Variants in FBXO28 observed in about 807,000 individuals in gnomAD.
FBXO28 encodes the protein F-box only protein 28.
In FBXO28, 8 loss-of-function variants were observed where a neutral mutation model predicts 38.1. That is an observed-to-expected ratio of 0.21 (90% CI 0.12 to 0.38). The LOEUF is 0.38. FBXO28 is among the 10% of genes least tolerant of loss of function. The pLI is 1.00. For missense variants in FBXO28, 345 were observed against 460.6 expected (o/e 0.75, Z 2.30); for synonymous variants, 168 against 173.8 (o/e 0.97, Z 0.26).
intron 3 of FBXO28, among the ~76,000 whole-genome samples, chr1:224,142,933 G>A (rs767140720): frequency 1.3e-5 from 2 of 152,102 alleles, no homozygotes; most frequent in African/African-American, 2.4e-5. Context: ...GGGACAGAAA[G>A]ACACTCTGTC....
chr1:224,144,147 A>G (rs1269699532), intron 3 of FBXO28, among the ~76,000 whole-genome samples: 1 of 67,034 alleles, frequency 1.5e-5, no homozygotes, highest in Non-Finnish European at 3.0e-5. Context: ...GAATGAAACT[A>G]TGTCTCAAAA....
intron 1 of FBXO28, among the ~76,000 whole-genome samples, chr1:224,120,513 A>T (rs1005680172): frequency 6.6e-6 from 1 of 152,252 alleles, no homozygotes; most frequent in African/African-American, 2.4e-5. Flanking sequence ...ATTATTGAAT[A>T]AATGAAGTAG....
At chr1:224,152,950 A>T (rs955495150) in intron 3 of FBXO28, among the ~76,000 whole-genome samples, 192 bp from the exon 4 acceptor site, 20 of 131,094 alleles carry the variant, frequency 1.5e-4, no homozygotes, top group African/African-American at 5.4e-4. Flanking sequence ...AAAAAAAAAA[A>T]AAAGTACTGT....
chr1:224,139,930 A>G (rs1558192866), intron 3 of FBXO28, among the ~76,000 whole-genome samples: 1 of 152,092 alleles, frequency 6.6e-6, no homozygotes, highest in Non-Finnish European at 1.5e-5. Flanking sequence ...CCGTCTCTAA[A>G]AAAAAAATTA....
chr1:224,124,982 G>A (rs1407168811), intron 1 of FBXO28, among the ~76,000 whole-genome samples: 2 of 152,024 alleles, frequency 1.3e-5, no homozygotes, highest in African/African-American at 4.8e-5. Flanking sequence ...CCAGCCGAAA[G>A]ATGTATGATC....
At chr1:224,124,341 A>G (rs990386349) in intron 1 of FBXO28, among the ~76,000 whole-genome samples, 3 of 152,194 alleles carry the variant, frequency 2.0e-5, no homozygotes, top group Non-Finnish European at 4.4e-5. Context: ...GATTTATTCT[A>G]TTCATTCCCT....
At chr1:224,135,947 G>C (rs867355135) in intron 3 of FBXO28, among the ~76,000 whole-genome samples, 3 of 151,368 alleles carry the variant, frequency 2.0e-5, no homozygotes, top group African/African-American at 7.3e-5. Context: ...AGGCAGGAGA[G>C]TCACTTGAAC....
At chr1:224,143,696 C>T (rs887800402) in intron 3 of FBXO28, among the ~76,000 whole-genome samples, 3 of 151,876 alleles carry the variant, frequency 2.0e-5, no homozygotes, top group Admixed American at 2.0e-4. Context: ...ATTAGCCAGG[C>T]GTGATGGCGG....
At chr1:224,155,604 C>T (rs1281533390) in intron 4 of FBXO28, among the ~76,000 whole-genome samples, 1 of 152,080 alleles carries the variant, frequency 6.6e-6, no homozygotes, top group African/African-American at 2.4e-5. Flanking sequence ...ATTTAATGTC[C>T]CTAACTCTGG....
At chr1:224,135,543 C>T (rs376148233) in intron 3 of FBXO28, among the ~76,000 whole-genome samples, 45 of 137,934 alleles carry the variant, frequency 3.3e-4, no homozygotes, top group African/African-American at 1.1e-3. Context: ...ACCCGGGAGG[C>T]GGAGGTTGCA....
intron 3 of FBXO28, among the ~76,000 whole-genome samples, chr1:224,143,697 G>T: frequency 6.6e-6 from 1 of 151,930 alleles, no homozygotes; most frequent in East Asian, 1.9e-4. Context: ...TTAGCCAGGC[G>T]TGATGGCGGG....
chr1:224,147,348 C>CTG (rs1657533147), intron 3 of FBXO28, among the ~76,000 whole-genome samples: 1 of 148,950 alleles, frequency 6.7e-6, no homozygotes, highest in African/African-American at 2.5e-5. Flanking sequence ...ACTTGAACCC[C>CTG]GGAGGCAGAG....
At chr1:224,123,825 G>T (rs1656840750) in intron 1 of FBXO28, among the ~76,000 whole-genome samples, 1 of 152,126 alleles carries the variant, frequency 6.6e-6, no homozygotes, top group African/African-American at 2.4e-5. Flanking sequence ...GTTAAGACTT[G>T]AGGCCAGGCA....
At chr1:224,118,537 T>C (rs1656698537) in intron 1 of FBXO28, among the ~76,000 whole-genome samples, 1 of 152,200 alleles carries the variant, frequency 6.6e-6, no homozygotes, top group Non-Finnish European at 1.5e-5. Context: ...AGCAACAAAA[T>C]ACATAAATAC....
chr1:224,136,331 T>C (rs538370871), intron 3 of FBXO28, among the ~76,000 whole-genome samples: 2 of 152,100 alleles, frequency 1.3e-5, no homozygotes, highest in African/African-American at 4.8e-5. Context: ...AAGAACATTA[T>C]ACAAAATAAT....
At chr1:224,126,933 T>C (rs780759335) in intron 1 of FBXO28, among the ~76,000 whole-genome samples, 3 of 152,344 alleles carry the variant, frequency 2.0e-5, no homozygotes, top group Middle Eastern at 3.4e-3. Context: ...TTTTCTTCTA[T>C]TTGATATTAT....
intron 1 of FBXO28, among the ~76,000 whole-genome samples, chr1:224,123,027 T>C (rs1656813171): frequency 6.6e-6 from 1 of 152,104 alleles, no homozygotes; most frequent in South Asian, 2.1e-4. Context: ...GCTGAATAGC[T>C]GGATGACCTT....
At chr1:224,146,785 G>A (rs1015469333) in intron 3 of FBXO28, among the ~76,000 whole-genome samples, 19 of 142,332 alleles carry the variant, frequency 1.3e-4, no homozygotes, top group African/African-American at 3.7e-4. Context: ...TGGGTTTGCT[G>A]CAACCTCTGC....
intron 1 of FBXO28, among the ~76,000 whole-genome samples, chr1:224,120,122 T>A (rs1656738689): frequency 6.6e-6 from 1 of 152,254 alleles, no homozygotes; most frequent in Non-Finnish European, 1.5e-5. Context: ...GAAGATACTA[T>A]GTTAAAAGGA....
Sources: gnomAD v4.1 joint callset for allele counts (sites outside exome capture counted in the v4.1 genomes callset) on GRCh38, gnomAD v4.1.1 for gene constraint, MANE v1.5 for transcripts, NCBI Gene and HGNC (gene_info 2026-07-23, HGNC 2026-07-21) for gene names.